Variants in LRRC8E observed in about 807,000 individuals in gnomAD.
LRRC8E encodes the protein volume-regulated anion channel subunit LRRC8E.
In LRRC8E, 6 loss-of-function variants were observed where a neutral mutation model predicts 6.1. The observed-to-expected ratio is 0.98, with a 90% CI of 0.54 to 1.93. The LOEUF is 1.93. Ranked by LOEUF, LRRC8E falls within the 30% of genes most tolerant of loss-of-function variation. The probability of loss-of-function intolerance (pLI) is 0.01; values close to 1 mark genes in which losing one functional copy is unlikely to be tolerated. For synonymous variants in LRRC8E, 485 were observed against 472.8 expected (o/e 1.03, Z -0.33); for missense variants, 1,028 against 1,031.4 (o/e 1.00, Z 0.04).
intron 1 of LRRC8E, among the ~76,000 whole-genome samples, chr19:7,892,490 G>A (rs1481518153): frequency 3.9e-5 from 6 of 152,010 alleles, no homozygotes; most frequent in Non-Finnish European, 8.8e-5. Context: ...TTACAGGCCT[G>A]AGCCACTGCA....
In LRRC8E at chr19:7,901,882, A is replaced by G. The variant is rs545589606; in HGVS notation, c.*969A>G. 2 of 152,164 alleles carry G rather than the reference A, an allele frequency of 1.3e-5. No homozygotes were observed. Among genetic ancestry groups the G allele is most frequent in the African/African-American group, 4.8e-5 (2 of 41,422 alleles). The allele number at this position is 152,164 out of a possible 1,614,324, so 9.4% of individuals were successfully genotyped here. ...GCTGATAGATTTCCCCCAGAGAGCT[A>G]TTCAAGGACTTCCTAAGGTGGGTGG... On this transcript the variant is annotated 3_prime_UTR_variant, in exon 3 of 3. Coordinates refer to ENST00000306708, the MANE Select transcript of LRRC8E (RefSeq NM_025061.6).
chr19:7,896,866 A>G (rs1356821003), intron 2 of LRRC8E, among the ~76,000 whole-genome samples: 1 of 152,064 alleles, frequency 6.6e-6, no homozygotes, highest in Non-Finnish European at 1.5e-5. Context: ...AAGTGCTGGG[A>G]TTACAGGTGT....
intron 1 of LRRC8E, among the ~76,000 whole-genome samples, chr19:7,892,910 C>T (rs751333676): frequency 5.3e-5 from 8 of 152,142 alleles, no homozygotes; most frequent in Non-Finnish European, 7.4e-5. Flanking sequence ...CTGCAACCTC[C>T]GCCTCCCGGG....
At position 7,899,730 on chromosome 19, in the gene LRRC8E, C is replaced by T. The variant is rs565601699; in HGVS notation, c.1208C>T (p.Thr403Met). 11 of 1,612,774 alleles carry T rather than the reference C, an allele frequency of 6.8e-6. No homozygotes were observed. Among genetic ancestry groups the T allele is most frequent in the African/African-American group, 4.0e-5 (3 of 74,942 alleles). ...LKQLNLNHEW[T>M]PEKLRQKLQR... is the part of the protein sequence containing the mutation. ...CAGCTCAATCTCAACCACGAGTGGA[C>T]GCCCGAGAAGCTTCGACAGAAGCTG... The change falls in exon 3 of 3, where the codon ACG becomes ATG. Residue 403 changes from threonine to methionine, a missense_variant. Coordinates refer to ENST00000306708, the MANE Select transcript of LRRC8E (RefSeq NM_025061.6).
rs938207568 is a variant in LRRC8E, at chr19:7,901,396, A to C, written c.*483A>C. On this transcript the variant is annotated 3_prime_UTR_variant, in exon 3 of 3. Transcript: ENST00000306708. ...GCTGTGTTATATGTTAGCTCCGAAC[A>C]ATGGTTCTCATTTGGCTAAGCATCA... 6.5e-6 allele frequency: 1 copy of C among 153,084 alleles called. No individual in the cohort carries two copies. Among genetic ancestry groups the C allele is most frequent in the African/African-American group, 2.4e-5 (1 of 41,444 alleles). The allele number at this position is 153,084 out of a possible 1,614,324, so 9.5% of individuals were successfully genotyped here. A position where few individuals can be genotyped will look rare whatever the true frequency, so the allele number is the denominator to read the frequency against.
Position 7,899,360 on chromosome 19 carries a change from A to G in LRRC8E, c.838A>G (p.Ile280Val). 6.2e-7 allele frequency: 1 copy of G among 1,614,200 alleles called. No homozygotes were observed. Among genetic ancestry groups the G allele is most frequent in the Non-Finnish European group, 8.5e-7 (1 of 1,180,036 alleles). The change falls in exon 3 of 3, where the codon ATC becomes GTC. Residue 280 changes from isoleucine (I) to valine (V), a missense_variant. Coordinates refer to ENST00000306708, the MANE Select transcript of LRRC8E (RefSeq NM_025061.6). ...CTACAACCTGGTCTATGTGGAGAAG[A>G]TCAGTTTCCTGGTGGCCTGTAGGGT... is the stretch of plus-strand genomic sequence containing the variant. ...LVYNLVYVEK[I>V]SFLVACRVET...
intron 2 of LRRC8E, among the ~76,000 whole-genome samples, chr19:7,898,217 C>CA (rs111279318): frequency 0.24 from 30,780 of 127,168 alleles, 3,506 homozygotes; most frequent in Non-Finnish European, 0.3. Flanking sequence ...AAAAAAAAAC[C>CA]AAAAAAAAAA....
chr19:7,900,151 G>T lies in LRRC8E; in HGVS notation c.1629G>T (p.Arg543=), dbSNP rs1292496916. The change falls in exon 3 of 3, where the codon CGG becomes CGT. Residue 543 remains arginine, a synonymous_variant. Coordinates refer to ENST00000306708, the MANE Select transcript of LRRC8E (RefSeq NM_025061.6). The surrounding 1 kb of genome is among the most constrained non-coding windows in gnomAD (Gnocchi z 5.0). ...ELKQLKVLSL[R]SNAGKVPASV... is the part of the protein sequence containing the mutation. ...AGCAGCTCAAGGTGTTGTCCCTCCG[G>T]AGCAACGCCGGGAAGGTGCCAGCCA... 6.2e-7 allele frequency: 1 copy of T among 1,612,980 alleles called. No individual in the cohort carries two copies. The highest frequency in any genetic ancestry group is 8.5e-7 in the Non-Finnish European group (1 of 1,179,968).
Position 7,900,615 on chromosome 19 carries a change from T to C in LRRC8E, c.2093T>C (p.Leu698Pro), listed in dbSNP as rs1377983664. 1 of 1,613,252 alleles carries C rather than the reference T, an allele frequency of 6.2e-7. No individual in the cohort carries two copies. The highest frequency in any genetic ancestry group is 2.2e-5 in the East Asian group (1 of 44,902). The change falls in exon 3 of 3, where the codon CTG (leucine) becomes CCG (proline). Residue 698 changes from leucine to proline, a missense_variant. Coordinates refer to ENST00000306708, the MANE Select transcript of LRRC8E (RefSeq NM_025061.6). The surrounding 1 kb of genome is among the most constrained non-coding windows in gnomAD (Gnocchi z 5.0). Reference sequence around the variant, plus strand: ...TCCCTGCCACCCGAGGTGGGCCTCCTGCAGAACCTACAGCACCTGGCCCTC... The same window carrying C: ...TCCCTGCCACCCGAGGTGGGCCTCCCGCAGAACCTACAGCACCTGGCCCTC... ...LHSLPPEVGL[L>P]QNLQHLALSY...
At position 7,895,974 on chromosome 19, in the gene LRRC8E, G is replaced by A. The variant is rs1981568377; in HGVS notation, c.138+233G>A. Among the ~76,000 whole-genome samples the A allele has an allele frequency of 6.6e-6, 1 of 152,074 alleles. No homozygotes were observed. Among genetic ancestry groups the A allele is most frequent in the South Asian group, 2.1e-4 (1 of 4,824 alleles). ...CTTTTTTGAGACGGAGTCTCACTCT[G>A]TCACCCAGGCTAGAGTACAGTGGCA... On this transcript the variant is annotated intron_variant, in intron 2 of 2. Transcript: ENST00000306708. This position sits in a 1 kb window ranked among gnomAD's most constrained non-coding sequence, Gnocchi z 4.7.
At chr19:7,891,353 G>A (rs531241514) in intron 1 of LRRC8E, among the ~76,000 whole-genome samples, 1 of 152,266 alleles carries the variant, frequency 6.6e-6, no homozygotes, top group South Asian at 2.1e-4. Context: ...AAATTTAATG[G>A]CAGGTTTGTG....
Position 7,895,940 on chromosome 19 carries a change from T to C in LRRC8E, c.138+199T>C, listed in dbSNP as rs1981564581. 6.6e-6 allele frequency among the ~76,000 whole-genome samples: 1 copy of C among 152,126 alleles called. No homozygotes were observed. The highest frequency in any genetic ancestry group is 2.4e-5 in the African/African-American group (1 of 41,434). Reference sequence around the variant, plus strand: ...CCCCACATTGCTATGCCATTCCATATCTTTTTTTCTTTTTTGAGACGGAGT... The same window carrying C: ...CCCCACATTGCTATGCCATTCCATACCTTTTTTTCTTTTTTGAGACGGAGT... On this transcript the variant is annotated intron_variant, in intron 2 of 2. Transcript: ENST00000306708. The surrounding 1 kb of genome is among the most constrained non-coding windows in gnomAD (Gnocchi z 4.7).
Position 7,900,319 on chromosome 19 carries a change from T to A in LRRC8E, c.1797T>A (p.His599Gln). Residue 599 changes from histidine (H) to glutamine (Q), a missense_variant, in exon 3 of 3, where the codon CAT becomes CAA. Physicochemically the swap from His to Gln is conservative, Grantham distance 24. Coordinates refer to ENST00000306708, the MANE Select transcript of LRRC8E (RefSeq NM_025061.6). This position sits in a 1 kb window ranked among gnomAD's most constrained non-coding sequence, Gnocchi z 5.0. ...LVACGLERIP[H>Q]AVFSLGALQE... Reference sequence around the variant, plus strand: ...CCTGCGGGCTGGAGCGCATCCCCCATGCAGTGTTCAGCCTGGGTGCGCTGC... The same window carrying A: ...CCTGCGGGCTGGAGCGCATCCCCCAAGCAGTGTTCAGCCTGGGTGCGCTGC... The A allele has an allele frequency of 6.2e-7, 1 of 1,613,246 alleles. No homozygotes were observed.
At chr19:7,897,172 C>CTAT (rs1555698105) in intron 2 of LRRC8E, among the ~76,000 whole-genome samples, 3,839 of 147,418 alleles carry the variant, frequency 0.026, 52 homozygotes, top group East Asian at 0.061. Context: ...TTTTCTTTTT[C>CTAT]TTTTTCTTTT....
intron 1 of LRRC8E, among the ~76,000 whole-genome samples, chr19:7,889,754 CTT>C (rs556208936): frequency 3.6e-4 from 43 of 120,970 alleles, no homozygotes; most frequent in African/African-American, 1.2e-3. Context: ...CTCTCTCTCT[CTT>C]TTTTTTTTTT....
chr19:7,889,614 G>C (rs8103650), intron 1 of LRRC8E, among the ~76,000 whole-genome samples: 3 of 151,732 alleles, frequency 2.0e-5, no homozygotes, highest in African/African-American at 4.8e-5. Context: ...ATGGTAGCAC[G>C]CACCTGTGGT....
At chr19:7,892,624 C>T (rs572033635) in intron 1 of LRRC8E, among the ~76,000 whole-genome samples, 21 of 152,222 alleles carry the variant, frequency 1.4e-4, no homozygotes, top group African/African-American at 4.1e-4. Flanking sequence ...TGGGTCCCTC[C>T]GAAGCTCAGT....
intron 2 of LRRC8E, among the ~76,000 whole-genome samples, chr19:7,896,563 G>A (rs1023291944): frequency 8.6e-5 from 13 of 150,910 alleles, no homozygotes; most frequent in African/African-American, 1.2e-4. Flanking sequence ...GACAGAACGA[G>A]ACTCCATCTT....
At chr19:7,891,029 A>G (rs1165496900) in intron 1 of LRRC8E, among the ~76,000 whole-genome samples, 1 of 152,144 alleles carries the variant, frequency 6.6e-6, no homozygotes. Flanking sequence ...GCTGTCTCCC[A>G]AGAGGGAACA....
Sources: allele counts gnomAD v4.1 joint callset (sites outside exome capture counted in the v4.1 genomes callset), GRCh38; gene constraint gnomAD v4.1.1; non-coding constraint Gnocchi (gnomAD v3.1); transcripts MANE v1.5; gene names NCBI Gene and HGNC (gene_info 2026-07-23, HGNC 2026-07-21).